Variants in NR3C2 observed in about 807,000 individuals in gnomAD.
NR3C2 encodes nuclear receptor subfamily 3 group C member 2, also known as mineralocorticoid receptor.
A neutral mutation model predicts 86.4 loss-of-function variants in NR3C2; 15 were observed. The observed-to-expected ratio is 0.17, with a 90% CI of 0.12 to 0.27. The LOEUF (loss-of-function observed/expected upper bound fraction) is 0.27, where lower values mean the gene tolerates loss of function less well. NR3C2 is among the 10% of genes least tolerant of loss of function. NR3C2 has a pLI of 1.00. For missense variants in NR3C2, 960 were observed against 1,195.6 expected, an observed-to-expected ratio of 0.80 and a Z score of 2.91; for synonymous variants, 458 against 450.5, an observed-to-expected ratio of 1.02 and a Z score of -0.21.
chr4:148,229,982 G>A (rs1395387017), intron 3 of NR3C2, among the ~76,000 whole-genome samples: 3 of 152,070 alleles, frequency 2.0e-5, no homozygotes, highest in Non-Finnish European at 4.4e-5. Flanking sequence ...GATACCAACT[G>A]TTCACAAGTG....
chr4:148,243,296 G>A (rs966464307), intron 3 of NR3C2, among the ~76,000 whole-genome samples: 8 of 151,958 alleles, frequency 5.3e-5, no homozygotes, highest in African/African-American at 1.9e-4. Context: ...CCCAAAGCAC[G>A]GGGATTACAG....
chr4:148,388,373 T>C (rs866429854), intron 2 of NR3C2, among the ~76,000 whole-genome samples: 4 of 152,220 alleles, frequency 2.6e-5, no homozygotes, highest in East Asian at 1.9e-4. Context: ...CCAGTGAGCA[T>C]TTCCCTTGGG....
At chr4:148,341,497 A>G (rs192433846) in intron 2 of NR3C2, among the ~76,000 whole-genome samples, 1 of 152,274 alleles carries the variant, frequency 6.6e-6, no homozygotes, top group Non-Finnish European at 1.5e-5. Context: ...TAATGAGTAC[A>G]AATATACAGT....
intron 2 of NR3C2, among the ~76,000 whole-genome samples, chr4:148,346,191 A>C (rs551765591): frequency 6.6e-6 from 1 of 152,292 alleles, no homozygotes; most frequent in African/African-American, 2.4e-5. Flanking sequence ...AATGGAAACT[A>C]TGAAAATATC....
At chr4:148,311,368 C>T (rs1473379315) in intron 2 of NR3C2, among the ~76,000 whole-genome samples, 3 of 152,210 alleles carry the variant, frequency 2.0e-5, no homozygotes, top group African/African-American at 7.2e-5. Context: ...AAACCTGCAG[C>T]AATCTTCCCC....
At chr4:148,161,500 C>A (rs1734659281) in intron 4 of NR3C2, among the ~76,000 whole-genome samples, 1 of 152,024 alleles carries the variant, frequency 6.6e-6, no homozygotes, top group African/African-American at 2.4e-5. Flanking sequence ...CAGGTGCCCA[C>A]CAGCACACCT....
intron 2 of NR3C2, among the ~76,000 whole-genome samples, chr4:148,381,302 CA>C (rs1746977257): frequency 6.6e-6 from 1 of 151,866 alleles, no homozygotes; most frequent in Non-Finnish European, 1.5e-5. Context: ...TATCTTATGG[CA>C]AAAGTAGTAA....
chr4:148,324,707 C>T (rs1743863172), intron 2 of NR3C2, among the ~76,000 whole-genome samples: 1 of 152,118 alleles, frequency 6.6e-6, no homozygotes, highest in African/African-American at 2.4e-5. Context: ...AAACTGATTA[C>T]CACATGAGGT....
intron 2 of NR3C2, among the ~76,000 whole-genome samples, chr4:148,298,659 G>C (rs1304035366): frequency 6.6e-6 from 1 of 152,206 alleles, no homozygotes; most frequent in Non-Finnish European, 1.5e-5. Context: ...GCTTTCTGCA[G>C]AACTACTACT....
upstream of NR3C2, chr4:148,444,147 G>T (rs369536235): frequency 9.4e-5 from 93 of 985,372 alleles, 2 homozygotes; most frequent in East Asian, 5.0e-3. Context: ...GGGGAGTCCC[G>T]GACCTAGAGC....
At chr4:148,188,131 T>C (rs1432683164) in intron 4 of NR3C2, among the ~76,000 whole-genome samples, 1 of 152,234 alleles carries the variant, frequency 6.6e-6, no homozygotes, top group African/African-American at 2.4e-5. Flanking sequence ...TACAGTATAG[T>C]TTGAAATCAG....
In NR3C2 at chr4:148,435,585, G is replaced by C; in HGVS notation, c.1276C>G (p.Pro426Ala). 1.2e-6 allele frequency: 2 copies of C among 1,614,066 alleles called. No individual in the cohort carries two copies. Among genetic ancestry groups the C allele is most frequent in the Non-Finnish European group, 1.7e-6 (2 of 1,180,028 alleles). Reference sequence around the variant, plus strand: ...TGCTTGGTTGATTCTTGCTTTATTGGTACTGAGAATGAAGAATCCGAATTT... The same window carrying C: ...TGCTTGGTTGATTCTTGCTTTATTGCTACTGAGAATGAAGAATCCGAATTT... ...KINSDSSFSV[P>A]IKQESTKHSC... The change falls in exon 2 of 9, where the codon CCA (proline) becomes GCA (alanine). Residue 426 changes from proline to alanine, a missense_variant. Coordinates refer to ENST00000358102, the MANE Select transcript of NR3C2 (RefSeq NM_000901.5).
intron 3 of NR3C2, among the ~76,000 whole-genome samples, chr4:148,243,426 A>G (rs1035744774): frequency 1.3e-5 from 2 of 152,168 alleles, no homozygotes; most frequent in Non-Finnish European, 2.9e-5. Flanking sequence ...CTCAGACTGA[A>G]GTTAATTTTA....
At chr4:148,176,694 TA>T (rs1735391747) in intron 4 of NR3C2, among the ~76,000 whole-genome samples, 1 of 152,182 alleles carries the variant, frequency 6.6e-6, no homozygotes, top group South Asian at 2.1e-4. Context: ...GATTAGCTCC[TA>T]GAAAGAGCAA....
rs563525710 is a variant in NR3C2, at chr4:148,354,854, A to G, written c.1757+80250T>C. The stretch of plus-strand genomic sequence containing the variant: ...GGATATTTTCATTTTGGAGGTATAA[A>G]ATTAAATGGATGTCTTGTAGCTAGG... On this transcript the variant is annotated intron_variant, in intron 2 of 8. Coordinates refer to ENST00000358102, the MANE Select transcript of NR3C2 (RefSeq NM_000901.5). 6.6e-5 allele frequency among the ~76,000 whole-genome samples: 10 copies of G among 152,304 alleles called. 1 individual carries two copies. The South Asian group carries it at 2.1e-3, about 32-fold the overall frequency.
chr4:148,425,734 T>C (rs1259543463), intron 2 of NR3C2, among the ~76,000 whole-genome samples: 1 of 152,204 alleles, frequency 6.6e-6, no homozygotes, highest in African/African-American at 2.4e-5. Flanking sequence ...CCACATAATC[T>C]GATTTACGTT....
intron 6 of NR3C2, among the ~76,000 whole-genome samples, chr4:148,121,732 A>G (rs1732512265): frequency 6.6e-6 from 1 of 152,228 alleles, no homozygotes; most frequent in Non-Finnish European, 1.5e-5. Context: ...GAAATTAGAT[A>G]TGCACATCCT....
chr4:148,124,230 A>T (rs1732643486), intron 6 of NR3C2, among the ~76,000 whole-genome samples: 1 of 116,398 alleles, frequency 8.6e-6, no homozygotes, highest in Admixed American at 8.7e-5. Context: ...GTGAGACTCC[A>T]TCCCAAAACC....
intron 4 of NR3C2, among the ~76,000 whole-genome samples, chr4:148,171,226 C>G (rs1252204227): frequency 6.6e-6 from 1 of 152,198 alleles, no homozygotes; most frequent in Non-Finnish European, 1.5e-5. Context: ...GGTTTATGGT[C>G]TATGTCTCAT....
Sources: allele counts gnomAD v4.1 joint callset (sites outside exome capture counted in the v4.1 genomes callset), GRCh38; gene constraint gnomAD v4.1.1; transcripts MANE v1.5; gene names NCBI Gene and HGNC (gene_info 2026-07-23, HGNC 2026-07-21).